Variants in SAMD3 observed in about 807,000 individuals in gnomAD.
The protein encoded by SAMD3 is sterile alpha motif domain-containing protein 3.
Under a neutral mutation model 58.5 loss-of-function variants are expected in SAMD3, and 63 were observed. That is an observed-to-expected ratio of 1.08 (90% confidence interval 0.88 to 1.33). SAMD3 has a LOEUF of 1.33. SAMD3 is among the 40% of genes most tolerant of loss of function. SAMD3 has a pLI of 0.00. For synonymous variants in SAMD3, 220 were observed against 210.3 expected (o/e 1.05, Z -0.40); for missense variants, 604 against 608.4 (o/e 0.99, Z 0.08).
At chr6:130,304,951 T>TC (rs1775868053) in intron 2 of SAMD3, among the ~76,000 whole-genome samples, 1 of 112,686 alleles carries the variant, frequency 8.9e-6, no homozygotes, top group African/African-American at 4.3e-5. Flanking sequence ...TTTTTTTTTT[T>TC]TGAGACAGAG....
At chr6:130,207,513 T>C (rs926078470) in intron 5 of SAMD3, among the ~76,000 whole-genome samples, 3 of 152,036 alleles carry the variant, frequency 2.0e-5, no homozygotes, top group African/African-American at 7.2e-5. Context: ...TCCACAGTTA[T>C]AGACATGTGG....
At chr6:130,154,716 A>T (rs1363541592) in intron 9 of SAMD3, 109 bp downstream of exon 9, 6,876 of 85,896 alleles carry the variant, frequency 0.08, 121 homozygotes, top group Non-Finnish European at 0.099. Flanking sequence ...AAAAAAAAAA[A>T]AAATATATAT....
At chr6:130,221,754 GA>G (rs1387131784) in intron 1 of SAMD3, 1 of 152,156 alleles carries the variant, frequency 6.6e-6, no homozygotes, top group Non-Finnish European at 1.5e-5. Flanking sequence ...AGAGGCAGAA[GA>G]AAATCTGCAT....
chr6:130,313,382 A>G (rs1478998180), intron 1 of SAMD3, among the ~76,000 whole-genome samples: 1 of 152,208 alleles, frequency 6.6e-6, no homozygotes, highest in Non-Finnish European at 1.5e-5. Context: ...TCCATACACC[A>G]GGTGTGTGAA....
chr6:130,261,746 T>G (rs1329700667), intron 2 of SAMD3, among the ~76,000 whole-genome samples: 1 of 152,172 alleles, frequency 6.6e-6, no homozygotes, highest in African/African-American at 2.4e-5. Flanking sequence ...TTGTGTAAAA[T>G]AGACCAGCCA....
At chr6:130,303,961 A>T (rs1775831830) in intron 2 of SAMD3, among the ~76,000 whole-genome samples, 1 of 152,126 alleles carries the variant, frequency 6.6e-6, no homozygotes, top group African/African-American at 2.4e-5. Flanking sequence ...GAATTTATAA[A>T]TATTTTCCTT....
chr6:130,306,371 T>C (rs1424390193), intron 2 of SAMD3, among the ~76,000 whole-genome samples: 1 of 152,134 alleles, frequency 6.6e-6, no homozygotes, highest in Non-Finnish European at 1.5e-5. Context: ...AATTACCCAA[T>C]GAAGGTAAAT....
chr6:130,200,284 G>A (rs1388692994), intron 5 of SAMD3, among the ~76,000 whole-genome samples: 1 of 151,186 alleles, frequency 6.6e-6, no homozygotes, highest in African/African-American at 2.4e-5. Context: ...TCATGCGCCT[G>A]TAATCTAAGC....
At chr6:130,317,595 T>C (rs1331020360) in intron 1 of SAMD3, among the ~76,000 whole-genome samples, 3 of 152,196 alleles carry the variant, frequency 2.0e-5, no homozygotes, top group Non-Finnish European at 2.9e-5. Context: ...GAGTTGTTTT[T>C]GTAGATAGAT....
rs1582694916 is a variant in SAMD3 at position 130,144,428 on chromosome 6, A to C, written c.*92T>G. 15 of 1,208,234 alleles carry C rather than the reference A, an allele frequency of 1.2e-5. No individual in the cohort carries two copies. Among genetic ancestry groups the C allele is most frequent in the African/African-American group, 1.5e-5 (1 of 65,556 alleles). 74.8% of individuals were successfully genotyped at this position (1,208,234 alleles called of 1,614,324 possible). ...TATAAATACAAGATGATTTTCTCAT[A>C]CCTACCTCTACCACAACCCTAAATC... On this transcript the variant is annotated 3_prime_UTR_variant, in exon 12 of 12. Coordinates refer to ENST00000439090, the MANE Select transcript of SAMD3 (RefSeq NM_001017373.4).
intron 8 of SAMD3, among the ~76,000 whole-genome samples, chr6:130,169,279 C>T (rs1323902809): frequency 1.3e-5 from 2 of 152,070 alleles, no homozygotes; most frequent in Non-Finnish European, 2.9e-5. Flanking sequence ...TGCTTAATCC[C>T]CATGTAGTGT....
chr6:130,317,885 A>T (rs572882241), intron 1 of SAMD3, among the ~76,000 whole-genome samples: 1 of 152,318 alleles, frequency 6.6e-6, no homozygotes, highest in Non-Finnish European at 1.5e-5. Flanking sequence ...GAGTAAGGAG[A>T]TTCTCAGGGT....
chr6:130,167,667 C>T (rs1319390403), intron 8 of SAMD3, among the ~76,000 whole-genome samples: 1 of 152,104 alleles, frequency 6.6e-6, no homozygotes, highest in Non-Finnish European at 1.5e-5. Flanking sequence ...GAAAAGAAAG[C>T]AGATTTATCA....
At chr6:130,172,648 TC>T (rs1419692474) in intron 8 of SAMD3, among the ~76,000 whole-genome samples, 4 of 152,180 alleles carry the variant, frequency 2.6e-5, no homozygotes, top group African/African-American at 9.7e-5. Flanking sequence ...ATTTTTTCCT[TC>T]GTTTCAACCC....
chr6:130,326,009 T>C (rs459777), intron 1 of SAMD3, among the ~76,000 whole-genome samples: 10 of 152,216 alleles, frequency 6.6e-5, no homozygotes, highest in Non-Finnish European at 1.0e-4. Flanking sequence ...AGGGACTTGG[T>C]TGATAAACTC....
chr6:130,171,918 A>G (rs1421833365), intron 8 of SAMD3, among the ~76,000 whole-genome samples: 1 of 152,208 alleles, frequency 6.6e-6, no homozygotes, highest in Non-Finnish European at 1.5e-5. Context: ...TATATTTAGC[A>G]TAGTTAGCTC....
intron 1 of SAMD3, among the ~76,000 whole-genome samples, chr6:130,319,979 G>A (rs2114999609): frequency 6.6e-6 from 1 of 151,300 alleles, no homozygotes; most frequent in East Asian, 1.9e-4. Flanking sequence ...ATTGCAAAGA[G>A]AAAAAAATAA....
At chr6:130,330,793 C>G (rs1244219503) in intron 1 of SAMD3, among the ~76,000 whole-genome samples, 2 of 152,092 alleles carry the variant, frequency 1.3e-5, no homozygotes, top group East Asian at 3.9e-4. Flanking sequence ...GCTCCCTTGA[C>G]CCAGCTTGGA....
chr6:130,312,582 G>A (rs1250907751), intron 2 of SAMD3, among the ~76,000 whole-genome samples: 4 of 152,048 alleles, frequency 2.6e-5, no homozygotes, highest in African/African-American at 7.2e-5. Flanking sequence ...AGTTATTCTC[G>A]TTTTAGTTTG....
Sources: gnomAD v4.1 joint callset for allele counts (sites outside exome capture counted in the v4.1 genomes callset) on GRCh38, gnomAD v4.1.1 for gene constraint, MANE v1.5 for transcripts, NCBI Gene and HGNC (gene_info 2026-07-23, HGNC 2026-07-21) for gene names.